The following VPS16 variants were observed in gnomAD, a reference collection of about 807,000 sequenced individuals.
VPS16 encodes VPS16 core subunit of CORVET and HOPS complexes.
Under a neutral mutation model 116.0 loss-of-function variants are expected in VPS16, and 82 were observed. The ratio of observed to expected loss-of-function variants is 0.71; its 90% CI spans 0.59 to 0.85. VPS16 has a LOEUF of 0.85. Ranked by LOEUF, VPS16 falls within the 40% of genes least tolerant of loss-of-function variation. The pLI is 0.00. For missense variants in VPS16, 928 were observed against 1,090.6 expected, an observed-to-expected ratio of 0.85 and a Z score of 2.10; for synonymous variants, 406 against 420.7, an observed-to-expected ratio of 0.96 and a Z score of 0.43.
intron 2 of VPS16, 97 bp downstream of exon 2, chr20:2,859,904 AC>A (rs1387230469): frequency 7.5e-6 from 11 of 1,475,512 alleles, no homozygotes; most frequent in East Asian, 2.3e-5. Context: ...TCTTGTTGCC[AC>A]CCCCCACTCA....
rs1274310512 is a variant in VPS16 at position 2,863,373 on chromosome 20, T to A, written c.1451T>A (p.Ile484Asn). The change falls in exon 15 of 24, where the codon ATC (isoleucine) becomes AAC (asparagine). Residue 484 changes from isoleucine (I) to asparagine (N), a missense_variant. Ile to Asn is a moderately radical substitution (Grantham distance 149). Coordinates refer to ENST00000380445, the MANE Select transcript of VPS16 (RefSeq NM_022575.4). This position sits in a 1 kb window ranked among gnomAD's most constrained non-coding sequence, Gnocchi z 4.4. ...RLPEVQGVSR[I>N]LAHWACYKVQ... ...CCTGAAGTACAGGGCGTCAGCAGGATCCTGGCCCACTGGGCCTGCTACAAG... is the reference window on the plus strand; with the variant it reads ...CCTGAAGTACAGGGCGTCAGCAGGAACCTGGCCCACTGGGCCTGCTACAAG... The A allele has an allele frequency of 3.1e-6, 5 of 1,614,158 alleles. No homozygotes were observed. The highest frequency in any genetic ancestry group is 4.2e-6 in the Non-Finnish European group (5 of 1,180,020).
intron 1 of VPS16, among the ~76,000 whole-genome samples, chr20:2,842,880 G>GTATC (rs1568621107): frequency 6.8e-6 from 1 of 146,164 alleles, no homozygotes; most frequent in African/African-American, 2.6e-5. Context: ...ATAGATAGAT[G>GTATC]TATCTATCGA....
At chr20:2,843,827 A>ACT (rs2089032842) in intron 1 of VPS16, among the ~76,000 whole-genome samples, 1 of 152,090 alleles carries the variant, frequency 6.6e-6, no homozygotes, top group South Asian at 2.1e-4. Flanking sequence ...TGATTAATCT[A>ACT]CTCTTACCTG....
At chr20:2,862,239 A>G (rs763006438) in intron 11 of VPS16, 109 bp downstream of exon 11, 173 of 1,334,702 alleles carry the variant, frequency 1.3e-4, no homozygotes, top group Non-Finnish European at 1.7e-4. Flanking sequence ...TCCAGGCAGG[A>G]CACTGGTCTG....
Position 2,866,636 on chromosome 20 carries a change from G to A in VPS16, c.*62G>A, listed in dbSNP as rs1441372657. Reference sequence around the variant, plus strand: ...CCCCTAGCACCTGGGCTTGGCAGAAGGGCCATAGTTCATCCAGCTCCTCCC... The same window carrying A: ...CCCCTAGCACCTGGGCTTGGCAGAAAGGCCATAGTTCATCCAGCTCCTCCC... On this transcript the variant is annotated 3_prime_UTR_variant, in exon 24 of 24. Coordinates refer to ENST00000380445, the MANE Select transcript of VPS16 (RefSeq NM_022575.4). 2 of 1,596,564 alleles carry A rather than the reference G, an allele frequency of 1.3e-6. No homozygotes were observed. Among genetic ancestry groups the A allele is most frequent in the Non-Finnish European group, 1.7e-6 (2 of 1,171,348 alleles).
Position 2,865,064 on chromosome 20 carries a change from C to T in VPS16, c.2004+9C>T, listed in dbSNP as rs370106436. 6.2e-7 allele frequency: 1 copy of T among 1,614,056 alleles called. No homozygotes were observed. Among genetic ancestry groups the T allele is most frequent in the African/African-American group, 1.3e-5 (1 of 74,910 alleles). On this transcript the variant is annotated intron_variant, in intron 20 of 23. Coordinates refer to ENST00000380445, the MANE Select transcript of VPS16 (RefSeq NM_022575.4). This position sits in a 1 kb window ranked among gnomAD's most constrained non-coding sequence, Gnocchi z 5.2. ...ATGAGTTTGCAGCCAAGGTTTGGCC[C>T]ACCTTTTTCCAAGAGCCTCCTCGTC...
In VPS16 at chr20:2,864,271, C is replaced by T. The variant is rs757659003; in HGVS notation, c.1704C>T (p.Ser568=). Residue 568 remains serine (S), a synonymous_variant, in exon 17 of 24, where the codon AGC becomes AGT. Transcript: ENST00000380445. The surrounding 1 kb of genome is among the most constrained non-coding windows in gnomAD (Gnocchi z 5.2). The stretch of plus-strand genomic sequence containing the variant: ...TGGCACTAAGCAAGGCCATCGAGAG[C>T]GGGGACACTGACCTGGGTGAGGGCA... ...SKLALSKAIE[S]GDTDLVFTVL... 5.9e-5 allele frequency: 96 copies of T among 1,614,030 alleles called. No homozygotes were observed. The highest frequency in any genetic ancestry group is 8.9e-5 in the East Asian group (4 of 44,894).
At position 2,864,146 on chromosome 20, in the gene VPS16, C is replaced by T; in HGVS notation, c.1612-33C>T. 6.2e-7 allele frequency: 1 copy of T among 1,614,076 alleles called. No homozygotes were observed. Among genetic ancestry groups the T allele is most frequent in the Non-Finnish European group, 8.5e-7 (1 of 1,179,906 alleles). On this transcript the variant is annotated intron_variant, in intron 16 of 23. Transcript: ENST00000380445. The surrounding 1 kb of genome is among the most constrained non-coding windows in gnomAD (Gnocchi z 5.2). ...GTTGTTCAGGGCCCCCATGCCAGCT[C>T]CTTCTCTCTGTGCCTTCCTTCTCAC...
chr20:2,865,013 C>T lies in VPS16; in HGVS notation c.1962C>T (p.Ala654=), dbSNP rs759932962. 18 of 1,614,014 alleles carry T rather than the reference C, an allele frequency of 1.1e-5. No homozygotes were observed. The highest frequency in any genetic ancestry group is 6.6e-5 in the South Asian group (6 of 91,090). The change falls in exon 20 of 24, where the codon GCC becomes GCT. Residue 654 remains alanine (A), a synonymous_variant. Coordinates refer to ENST00000380445, the MANE Select transcript of VPS16 (RefSeq NM_022575.4). The surrounding 1 kb of genome is among the most constrained non-coding windows in gnomAD (Gnocchi z 5.2). ...GGCGAGTAGCAGCTCTGCAGACAGC[C>T]GCCGATGCCTTCTACAAGGCCAAGA... ...IEGRVAALQT[A]ADAFYKAKNE...
intron 1 of VPS16, among the ~76,000 whole-genome samples, chr20:2,842,031 A>G (rs1036057898): frequency 6.6e-6 from 1 of 152,232 alleles, no homozygotes; most frequent in South Asian, 2.1e-4. Flanking sequence ...CTGGGATTAC[A>G]GGCGTGAACC....
Position 2,866,638 on chromosome 20 carries a change from G to C in VPS16, c.*64G>C. On this transcript the variant is annotated 3_prime_UTR_variant, in exon 24 of 24. Transcript: ENST00000380445. ...CCTAGCACCTGGGCTTGGCAGAAGG[G>C]CCATAGTTCATCCAGCTCCTCCCCT... The C allele has an allele frequency of 6.3e-7, 1 of 1,593,846 alleles. No homozygotes were observed. The highest frequency in any genetic ancestry group is 8.5e-7 in the Non-Finnish European group (1 of 1,169,896).
chr20:2,859,660 T>A, intron 1 of VPS16, 59 bp from the exon 2 acceptor site: 1 of 1,564,026 alleles, frequency 6.4e-7, no homozygotes, highest in Non-Finnish European at 8.8e-7. Context: ...TCCTCTGGGG[T>A]TCACTCCATA....
At chr20:2,843,367 G>A (rs1488468289) in intron 1 of VPS16, among the ~76,000 whole-genome samples, 1 of 152,006 alleles carries the variant, frequency 6.6e-6, no homozygotes, top group Non-Finnish European at 1.5e-5. Context: ...GGGAGGCGGA[G>A]GTTGCGGTGA....
rs914098152 is a variant in VPS16 at position 2,860,086 on chromosome 20, G to A, written c.175G>A (p.Ala59Thr). Residue 59 changes from alanine (A) to threonine (T), a missense_variant, in exon 3 of 24, where the codon GCT becomes ACT. Transcript: ENST00000380445. This position sits in a 1 kb window ranked among gnomAD's most constrained non-coding sequence, Gnocchi z 6.1. ...GAGGAACCCCTGGCGGAAGGAGAAAGCTGCTAGTGTGAGGCCAGTGCTCGA... is the reference window on the plus strand; with the variant it reads ...GAGGAACCCCTGGCGGAAGGAGAAAACTGCTAGTGTGAGGCCAGTGCTCGA... ...LLRNPWRKEK[A>T]ASVRPVLDIY... 2 of 1,613,932 alleles carry A rather than the reference G, an allele frequency of 1.2e-6. No homozygotes were observed. The highest frequency in any genetic ancestry group is 2.7e-5 in the African/African-American group (2 of 74,916).
chr20:2,860,506 G>A lies in VPS16; in HGVS notation c.427G>A (p.Gly143Arg), dbSNP rs758714420. Residue 143 changes from glycine to arginine, a missense_variant, in exon 5 of 24, where the codon GGA (glycine) becomes AGA (arginine). Physicochemically the swap from Gly to Arg is moderately radical, Grantham distance 125. Transcript: ENST00000380445. The surrounding 1 kb of genome is among the most constrained non-coding windows in gnomAD (Gnocchi z 6.1). Reference protein sequence around the residue: ...ARIFHTEFGSGVAILTGAHRF... With the variant: ...ARIFHTEFGSRVAILTGAHRF... ...GATCTTTCACACTGAGTTTGGTTCC[G>A]GAGTGGCCATCCTCACAGGGGCCCA... 1.2e-5 allele frequency: 19 copies of A among 1,613,812 alleles called. No homozygotes were observed. Among genetic ancestry groups the A allele is most frequent in the African/African-American group, 8.0e-5 (6 of 74,862 alleles).
intron 1 of VPS16, among the ~76,000 whole-genome samples, chr20:2,842,904 A>AGATG (rs2089021076): frequency 3.6e-4 from 2 of 5,616 alleles, no homozygotes; most frequent in South Asian, 7.1e-3. Context: ...ATAGATAGAT[A>AGATG]TATGTTATGG....
At chr20:2,842,901 G>GATGTATCTATCGATAGATAGATGT (rs2089020816) in intron 1 of VPS16, among the ~76,000 whole-genome samples, 2 of 18,104 alleles carry the variant, frequency 1.1e-4, no homozygotes, top group African/African-American at 2.4e-4. Flanking sequence ...TAGATAGATA[G>GATGTATCTATCGATAGATAGATGT]ATATATGTTA....
intron 1 of VPS16, among the ~76,000 whole-genome samples, chr20:2,845,402 A>T (rs2089048528): frequency 6.6e-6 from 1 of 152,134 alleles, no homozygotes. Flanking sequence ...TCTTATGGTA[A>T]AAGAAAGGAG....
intron 1 of VPS16, 121 bp downstream of exon 1, chr20:2,840,948 C>G: frequency 1.0e-6 from 1 of 975,346 alleles, no homozygotes; most frequent in Non-Finnish European, 1.5e-6. Flanking sequence ...CGCCGGCTCT[C>G]CCCGAGCGTC....
Sources: gnomAD v4.1 joint callset for allele counts (sites outside exome capture counted in the v4.1 genomes callset) on GRCh38, gnomAD v4.1.1 for gene constraint, Gnocchi (gnomAD v3.1) non-coding constraint, MANE v1.5 for transcripts, NCBI Gene and HGNC (gene_info 2026-07-23, HGNC 2026-07-21) for gene names.